CYP26C1: variants seen among roughly 807,000 people sequenced by gnomAD.
The protein encoded by CYP26C1 is cytochrome P450 26C1.
In CYP26C1, 41 loss-of-function variants were observed where a neutral mutation model predicts 39.1. That is an observed-to-expected ratio of 1.05 (90% CI 0.82 to 1.36). The LOEUF (loss-of-function observed/expected upper bound fraction) is 1.36. CYP26C1 is among the 40% of genes most tolerant of loss of function. The pLI, the probability that CYP26C1 is intolerant of heterozygous loss-of-function variation, is 0.00. For missense variants in CYP26C1, 833 were observed against 752.0 expected (o/e 1.11, Z -1.26); for synonymous variants, 362 against 350.8 (o/e 1.03, Z -0.36).
rs1057453441 is a variant in CYP26C1, at chr10:93,060,883, C to A, written c.-381C>A. On this transcript the variant is annotated 5_prime_UTR_variant, in exon 1 of 6. Transcript: ENST00000651965. The stretch of plus-strand genomic sequence containing the variant: ...ACTGGTGAGTTGCTCTTCTTTCGCC[C>A]TCCTTCCCTTCTTCTATCCAAAGGG... 4 of 265,004 alleles carry A rather than the reference C, an allele frequency of 1.5e-5. No homozygotes were observed. The highest frequency in any genetic ancestry group is 2.9e-5 in the Non-Finnish European group (4 of 140,210). 16.4% of individuals were successfully genotyped at this position (265,004 alleles called of 1,614,324 possible).
intron 3 of CYP26C1, chr10:93,063,283 G>A: frequency 3.4e-6 from 4 of 1,181,162 alleles, no homozygotes; most frequent in Non-Finnish European, 4.2e-6. Flanking sequence ...CCAGAGTTTG[G>A]GGTCTCGGTG....
Position 93,062,837 on chromosome 10 carries a change from G to C in CYP26C1, c.547G>C (p.Asp183His), listed in dbSNP as rs534350291. ...GGCGGGCGGGCCGGTCTCAGTCTAC[G>C]ACGCCTCCAAAGCGCTCACCTTCCG... The part of the protein sequence containing the change: ...CAAGGPVSVY[D>H]ASKALTFRMA... Residue 183 changes from aspartate to histidine, a missense_variant, in exon 3 of 6, where the codon GAC becomes CAC. Transcript: ENST00000651965. 1.9e-5 allele frequency: 30 copies of C among 1,588,114 alleles called. No individual in the cohort carries two copies. Among genetic ancestry groups the C allele is most frequent in the African/African-American group, 5.4e-5 (4 of 74,502 alleles).
chr10:93,068,907 C>CA lies in CYP26C1; in HGVS notation c.*211dup. 1 of 841,802 alleles carries CA rather than the reference C, an allele frequency of 1.2e-6. No individual in the cohort carries two copies. Among genetic ancestry groups the CA allele is most frequent in the Non-Finnish European group, 1.7e-6 (1 of 594,732 alleles). The allele number at this position is 841,802 out of a possible 1,614,324, so 52.1% of individuals were successfully genotyped here. On this transcript the variant is annotated 3_prime_UTR_variant, in exon 6 of 6. Transcript: ENST00000651965. ...GCCGCGCCAGAGAAGCATCTAAGCC[C>CA]ATGGGAAGATGCCTTCTGCGCTCCG... is the stretch of plus-strand genomic sequence containing the variant.
rs144744681 is a variant in CYP26C1, at chr10:93,064,443, C to T, written c.768C>T (p.His256=). Residue 256 remains histidine, a synonymous_variant, in exon 4 of 6, where the codon CAC becomes CAT. Coordinates refer to ENST00000651965, the MANE Select transcript of CYP26C1 (RefSeq NM_183374.3). ...AGGGGGCCATTTCTGAGAAGCTTCA[C>T]GAGGACAAGGCTGCAGAGCCGGGTG... ...HLEGAISEKL[H]EDKAAEPGDA... 3.1e-5 allele frequency: 50 copies of T among 1,614,038 alleles called. No individual in the cohort carries two copies. The highest frequency in any genetic ancestry group is 5.0e-5 in the Admixed American group (3 of 60,012).
intron 5 of CYP26C1, among the ~76,000 whole-genome samples, chr10:93,066,765 A>AG (rs959498014): frequency 4.0e-5 from 6 of 151,796 alleles, no homozygotes; most frequent in African/African-American, 4.8e-5. Context: ...ATTCCAGGGG[A>AG]GGGGGGGATT....
chr10:93,063,860 G>A (rs2134412550), intron 3 of CYP26C1: 1 of 986,010 alleles, frequency 1.0e-6, no homozygotes, highest in African/African-American at 1.7e-5. Flanking sequence ...CTTTCCCCGG[G>A]GGAATGCTTT....
rs759823790 is a variant in CYP26C1, at chr10:93,062,053, T to C, written c.248T>C (p.Val83Ala). 1.9e-6 allele frequency: 3 copies of C among 1,580,422 alleles called. No homozygotes were observed. Among genetic ancestry groups the C allele is most frequent in the South Asian group, 2.3e-5 (2 of 85,978 alleles). Reference protein sequence around the residue: ...HSSRRERYGTVFKTHLLGRPV... With the variant: ...HSSRRERYGTAFKTHLLGRPV... Reference sequence around the variant, plus strand: ...TCTCGCCGAGAGCGCTATGGGACAGTGTTCAAGACGCACCTGCTGGGCAGG... The same window carrying C: ...TCTCGCCGAGAGCGCTATGGGACAGCGTTCAAGACGCACCTGCTGGGCAGG... The change falls in exon 2 of 6, where the codon GTG becomes GCG. Residue 83 changes from valine to alanine, a missense_variant. Coordinates refer to ENST00000651965, the MANE Select transcript of CYP26C1 (RefSeq NM_183374.3).
rs1356731050 is a variant in CYP26C1, at chr10:93,069,376, A to G, written c.*679A>G. On this transcript the variant is annotated 3_prime_UTR_variant, in exon 6 of 6. Coordinates refer to ENST00000651965, the MANE Select transcript of CYP26C1 (RefSeq NM_183374.3). ...TCTTAAAAGGAAAAATTCCTACCTT[A>G]AGAAGGCATTTACTCTTGTCATGTA... 6.6e-6 allele frequency: 1 copy of G among 152,184 alleles called. No individual in the cohort carries two copies. The highest frequency in any genetic ancestry group is 1.5e-5 in the Non-Finnish European group (1 of 68,032). 9.4% of individuals were successfully genotyped at this position (152,184 alleles called of 1,614,324 possible).
Position 93,061,569 on chromosome 10 carries a change from C to G in CYP26C1, c.204+102C>G, listed in dbSNP as rs1846749640. 10 of 1,413,012 alleles carry G rather than the reference C, an allele frequency of 7.1e-6. No homozygotes were observed. In the Admixed American group the frequency reaches 1.6e-4, roughly 22 times the overall value. The allele number at this position is 1,413,012 out of a possible 1,614,324, so 87.5% of individuals were successfully genotyped here. On this transcript the variant is annotated intron_variant, in intron 1 of 5. Transcript: ENST00000651965. ...ATGCCCATGGGATTTGTAGCCAGTCCCTGCCCATCGCCCACGACCCCGGGA... is the reference window on the plus strand; with the variant it reads ...ATGCCCATGGGATTTGTAGCCAGTCGCTGCCCATCGCCCACGACCCCGGGA...
In CYP26C1 at chr10:93,064,498, A is replaced by G; in HGVS notation, c.823A>G (p.Arg275Gly). ...CCTCGACCTAATCATTCACAGTGCAAGGGAGCTGGGCCATGAGCCCTCCAT... is the reference window on the plus strand; with the variant it reads ...CCTCGACCTAATCATTCACAGTGCAGGGGAGCTGGGCCATGAGCCCTCCAT... ...DALDLIIHSA[R>G]ELGHEPSMQE... The change falls in exon 4 of 6, where the codon AGG becomes GGG. Residue 275 changes from arginine (R) to glycine (G), a missense_variant. Transcript: ENST00000651965. 3 of 1,614,094 alleles carry G rather than the reference A, an allele frequency of 1.9e-6. No homozygotes were observed. The highest frequency in any genetic ancestry group is 1.7e-6 in the Non-Finnish European group (2 of 1,179,992).
At chr10:93,064,013 A>G (rs1846783803) in intron 3 of CYP26C1, 25 of 1,040,880 alleles carry the variant, frequency 2.4e-5, no homozygotes, top group South Asian at 3.7e-5. Flanking sequence ...AGCCTAGTAC[A>G]GGGAAAGGGC....
chr10:93,061,613 C>A, intron 1 of CYP26C1, 146 bp downstream of exon 1: 1 of 798,736 alleles, frequency 1.3e-6, no homozygotes, highest in South Asian at 1.7e-5. Context: ...CAACTCTCGC[C>A]TTTACCTAGA....
intron 3 of CYP26C1, 133 bp from the exon 4 acceptor site, chr10:93,064,248 C>G (rs960452624): frequency 1.4e-6 from 2 of 1,442,552 alleles, no homozygotes; most frequent in African/African-American, 2.9e-5. Flanking sequence ...TATGCCAGGC[C>G]AGGAGCTAAG....
In CYP26C1 at chr10:93,064,464, G is replaced by C. The variant is rs546714902; in HGVS notation, c.789G>C (p.Pro263=). The change falls in exon 4 of 6, where the codon CCG becomes CCC. Residue 263 remains proline, a synonymous_variant. Coordinates refer to ENST00000651965, the MANE Select transcript of CYP26C1 (RefSeq NM_183374.3). ...TTCACGAGGACAAGGCTGCAGAGCCGGGTGATGCCCTCGACCTAATCATTC... is the reference window on the plus strand; with the variant it reads ...TTCACGAGGACAAGGCTGCAGAGCCCGGTGATGCCCTCGACCTAATCATTC... ...EKLHEDKAAE[P]GDALDLIIHS... The C allele has an allele frequency of 6.6e-5, 106 of 1,614,142 alleles. No homozygotes were observed. The highest frequency in any genetic ancestry group is 5.1e-4 in the East Asian group (23 of 44,882).
In CYP26C1 at chr10:93,060,838, CT is replaced by C; in HGVS notation, c.-425del. 3 of 212,858 alleles carry C rather than the reference CT, an allele frequency of 1.4e-5. No homozygotes were observed. The highest frequency in any genetic ancestry group is 2.8e-5 in the Non-Finnish European group (3 of 107,558). The allele number at this position is 212,858 out of a possible 1,614,324, so 13.2% of individuals were successfully genotyped here. ...GAGGAGGGACAGGTGGGGCGGGGGT[CT>C]GCAGACCAGGTTGGCAACACTGGTG... On this transcript the variant is annotated 5_prime_UTR_variant, in exon 1 of 6. Coordinates refer to ENST00000651965, the MANE Select transcript of CYP26C1 (RefSeq NM_183374.3).
intron 3 of CYP26C1, chr10:93,063,348 G>C: frequency 2.8e-6 from 3 of 1,065,328 alleles, no homozygotes; most frequent in Middle Eastern, 4.2e-4. Flanking sequence ...CCCTGGGGCC[G>C]GCCTCCATCA....
Position 93,068,388 on chromosome 10 carries a change from G to A in CYP26C1, c.1260G>A (p.Val420=), listed in dbSNP as rs772802535. Residue 420 remains valine, a synonymous_variant, in exon 6 of 6, where the codon GTG becomes GTA. Transcript: ENST00000651965. ...SIRDTHETAA[V]YRSPPEGFDP... is the part of the protein sequence containing the mutation. The stretch of plus-strand genomic sequence containing the variant: ...GGGACACGCACGAGACGGCTGCGGT[G>A]TACCGCAGCCCTCCCGAAGGCTTCG... 6.9e-6 allele frequency: 11 copies of A among 1,601,566 alleles called. No individual in the cohort carries two copies. Among genetic ancestry groups the A allele is most frequent in the Middle Eastern group, 1.7e-4 (1 of 6,016 alleles).
rs746731720 is a variant in CYP26C1, at chr10:93,068,598, C to G, written c.1470C>G (p.Pro490=). Residue 490 remains proline (P), a synonymous_variant, in exon 6 of 6, where the codon CCC becomes CCG. Transcript: ENST00000651965. ...ARWELATPAF[P]AMQTVPIVHP... ...GGGAACTGGCCACACCCGCCTTCCC[C>G]GCCATGCAGACGGTGCCCATCGTGC... is the stretch of plus-strand genomic sequence containing the variant. 3 of 1,598,740 alleles carry G rather than the reference C, an allele frequency of 1.9e-6. No homozygotes were observed. In the East Asian group the frequency reaches 6.8e-5, roughly 36 times the overall value.
chr10:93,062,666 G>T, intron 2 of CYP26C1, 54 bp from the exon 3 acceptor site: 1 of 1,361,080 alleles, frequency 7.3e-7, no homozygotes, highest in Non-Finnish European at 9.5e-7. Context: ...CTCCGGAATC[G>T]CCAAGCAGAT....
Sources: gnomAD v4.1 joint callset for allele counts (sites outside exome capture counted in the v4.1 genomes callset) on GRCh38, gnomAD v4.1.1 for gene constraint, MANE v1.5 for transcripts, NCBI Gene and HGNC (gene_info 2026-07-23, HGNC 2026-07-21) for gene names.